Variants in MAST4 observed in about 807,000 individuals in gnomAD.
The protein encoded by MAST4 is microtubule associated serine/threonine kinase family member 4.
In MAST4, 89 loss-of-function variants were observed where a neutral mutation model predicts 162.7. The observed-to-expected ratio is 0.55, with a 90% confidence interval of 0.46 to 0.65. MAST4 has a LOEUF of 0.65. MAST4 is among the 30% of genes least tolerant of loss of function. MAST4 has a pLI of 0.00. For synonymous variants in MAST4, 1,479 were observed against 1,361.1 expected, an observed-to-expected ratio of 1.09 and a Z score of -1.91; for missense variants, 3,153 against 3,374.0, an observed-to-expected ratio of 0.93 and a Z score of 1.62.
Position 67,163,056 on chromosome 5 carries a change from C to G in MAST4, c.3968-91C>G. ...TGCTGAGACAATTTGCTGATCTTAC[C>G]TGGCCTTACCTAATACAGTCTGGGC... On this transcript the variant is annotated intron_variant, in intron 28 of 28. Transcript: ENST00000403625. This position sits in a 1 kb window ranked among gnomAD's most constrained non-coding sequence, Gnocchi z 7.0. 1 of 1,391,514 alleles carries G rather than the reference C, an allele frequency of 7.2e-7. No homozygotes were observed. Among genetic ancestry groups the G allele is most frequent in the Non-Finnish European group, 9.8e-7 (1 of 1,023,100 alleles). The allele number at this position is 1,391,514 out of a possible 1,614,324, so 86.2% of individuals were successfully genotyped here. A position where few individuals can be genotyped will look rare whatever the true frequency, so the allele number is the denominator to read the frequency against.
At chr5:66,966,312 T>C (rs993541080) in intron 4 of MAST4, among the ~76,000 whole-genome samples, 3 of 152,240 alleles carry the variant, frequency 2.0e-5, no homozygotes, top group African/African-American at 4.8e-5. Flanking sequence ...TCACTCTGTA[T>C]ATGGAATGTA....
intron 1 of MAST4, among the ~76,000 whole-genome samples, chr5:66,659,282 G>T (rs1471999346): frequency 2.0e-5 from 3 of 152,200 alleles, no homozygotes; most frequent in African/African-American, 7.2e-5. Flanking sequence ...CCAATCAGAC[G>T]ATGGGAAGTA....
intron 2 of MAST4, among the ~76,000 whole-genome samples, chr5:66,760,962 A>G (rs1367747357): frequency 6.6e-6 from 1 of 152,236 alleles, no homozygotes; most frequent in Non-Finnish European, 1.5e-5. Flanking sequence ...TTCTTTGTTA[A>G]TAAAAATAAA....
At chr5:67,091,907 A>T (rs1763904812) in intron 6 of MAST4, among the ~76,000 whole-genome samples, 1 of 152,198 alleles carries the variant, frequency 6.6e-6, no homozygotes, top group South Asian at 2.1e-4. Context: ...TTCCGAATGG[A>T]ACTCCCTCCA....
intron 1 of MAST4, among the ~76,000 whole-genome samples, chr5:66,748,444 T>TCTCCCTCCCTCC (rs1561302747): frequency 3.1e-5 from 3 of 95,952 alleles, no homozygotes; most frequent in Non-Finnish European, 6.0e-5. Flanking sequence ...TCCCTCCCTC[T>TCTCCCTCCCTCC]CTCCCTCACT....
intron 3 of MAST4, among the ~76,000 whole-genome samples, chr5:66,813,819 G>A (rs1301400252): frequency 2.6e-5 from 4 of 152,216 alleles, no homozygotes; most frequent in Non-Finnish European, 5.9e-5. Context: ...AGTTAGTTGT[G>A]AAAGAAGGAA....
intron 1 of MAST4, among the ~76,000 whole-genome samples, chr5:66,611,673 TGA>T (rs1428761956): frequency 6.6e-6 from 1 of 152,242 alleles, no homozygotes; most frequent in Non-Finnish European, 1.5e-5. Context: ...GATTTCATAA[TGA>T]GAGGTGTAAG....
At chr5:66,806,780 A>G (rs1232712173) in intron 3 of MAST4, among the ~76,000 whole-genome samples, 4 of 152,184 alleles carry the variant, frequency 2.6e-5, no homozygotes, top group Non-Finnish European at 1.5e-5. Flanking sequence ...TGTGATAGAA[A>G]ATGTGTACTT....
chr5:66,955,975 T>G (rs1581005956), intron 4 of MAST4, among the ~76,000 whole-genome samples: 2 of 131,158 alleles, frequency 1.5e-5, no homozygotes, highest in Middle Eastern at 7.4e-3. Context: ...TTTTAAGGTT[T>G]TTTTTTTTGT....
chr5:67,048,237 G>A (rs1159907467), intron 4 of MAST4, among the ~76,000 whole-genome samples: 2 of 152,030 alleles, frequency 1.3e-5, no homozygotes, highest in South Asian at 2.1e-4. Context: ...TATAATTTTA[G>A]TGCATTTAGG....
chr5:67,131,602 A>G (rs908854610), intron 15 of MAST4, among the ~76,000 whole-genome samples: 3 of 152,154 alleles, frequency 2.0e-5, no homozygotes, highest in Admixed American at 6.6e-5. Flanking sequence ...CTCCTCTCTT[A>G]TGAATACTAC....
intron 1 of MAST4, among the ~76,000 whole-genome samples, chr5:66,655,732 T>C (rs1303136552): frequency 6.6e-6 from 1 of 152,198 alleles, no homozygotes; most frequent in Admixed American, 6.5e-5. Context: ...ATTCTACTCT[T>C]ACTCATGCAT....
intron 4 of MAST4, among the ~76,000 whole-genome samples, chr5:67,022,092 G>T (rs1338654474): frequency 6.6e-6 from 1 of 152,168 alleles, no homozygotes; most frequent in East Asian, 1.9e-4. Flanking sequence ...AGCTGACTGT[G>T]AGTGTCTTGA....
intron 4 of MAST4, among the ~76,000 whole-genome samples, chr5:66,993,371 A>G (rs1333340270): frequency 2.0e-5 from 3 of 152,244 alleles, no homozygotes; most frequent in African/African-American, 7.2e-5. Context: ...TTTGAGACAT[A>G]CACAGATGAA....
chr5:66,755,634 T>C (rs1165800767), intron 1 of MAST4, among the ~76,000 whole-genome samples: 3 of 152,242 alleles, frequency 2.0e-5, no homozygotes, highest in Non-Finnish European at 4.4e-5. Context: ...ATTTTTACTT[T>C]TTAAAATTTA....
chr5:66,770,508 C>A (rs1754313166), intron 2 of MAST4, among the ~76,000 whole-genome samples: 1 of 152,148 alleles, frequency 6.6e-6, no homozygotes, highest in African/African-American at 2.4e-5. Flanking sequence ...GTTCCCAGAC[C>A]CAGGTCACCT....
At chr5:66,836,024 A>G (rs773734078) in intron 3 of MAST4, among the ~76,000 whole-genome samples, 1 of 152,172 alleles carries the variant, frequency 6.6e-6, no homozygotes, top group Non-Finnish European at 1.5e-5. Context: ...TACAAAAATT[A>G]GCCAGATGTG....
intron 3 of MAST4, among the ~76,000 whole-genome samples, chr5:66,875,827 C>G (rs27875): frequency 0.29 from 43,494 of 152,164 alleles, 6,435 homozygotes; most frequent in East Asian, 0.53. Flanking sequence ...GTAGCACAGT[C>G]TTAGCTCAGT....
At chr5:67,136,860 G>T (rs760078097) in intron 19 of MAST4, among the ~76,000 whole-genome samples, 196 bp downstream of exon 19, 7 of 152,180 alleles carry the variant, frequency 4.6e-5, no homozygotes, top group Admixed American at 1.3e-4. Flanking sequence ...ACGCTAAGAG[G>T]GTTGGTTGTT....
Sources: gnomAD v4.1 joint callset for allele counts (sites outside exome capture counted in the v4.1 genomes callset) on GRCh38, gnomAD v4.1.1 for gene constraint, Gnocchi (gnomAD v3.1) non-coding constraint, MANE v1.5 for transcripts, NCBI Gene and HGNC (gene_info 2026-07-23, HGNC 2026-07-21) for gene names.